Variants in MRTO4 observed in about 807,000 individuals in gnomAD.
The protein encoded by MRTO4 is MRT4 homolog, ribosome maturation factor, also known as mRNA turnover protein 4 homolog.
A neutral mutation model predicts 28.6 loss-of-function variants in MRTO4; 7 were observed. The observed-to-expected ratio is 0.24, with a 90% CI of 0.14 to 0.46. The LOEUF (loss-of-function observed/expected upper bound fraction) is 0.46. Ranked by LOEUF, MRTO4 falls within the 20% of genes least tolerant of loss-of-function variation. The pLI, the probability that MRTO4 is intolerant of heterozygous loss-of-function variation, is 0.99. For synonymous variants in MRTO4, 113 were observed against 108.2 expected (o/e 1.04, Z -0.27); for missense variants, 302 against 298.3 (o/e 1.01, Z -0.09).
In MRTO4 at chr1:19,259,810, G is replaced by C. The variant is rs1174771411; in HGVS notation, c.*980G>C. 2 of 152,272 alleles carry C rather than the reference G, an allele frequency of 1.3e-5. No homozygotes were observed. Among genetic ancestry groups the C allele is most frequent in the Admixed American group, 1.3e-4 (2 of 15,284 alleles). 9.4% of individuals were successfully genotyped at this position (152,272 alleles called of 1,614,324 possible). ...TGGGCTGAGAGTGACATCACTGCAA[G>C]AGTTGAGAGCCAGCGTCTAAAGTGT... On this transcript the variant is annotated 3_prime_UTR_variant, in exon 8 of 8. Coordinates refer to ENST00000330263, the MANE Select transcript of MRTO4 (RefSeq NM_016183.4).
In MRTO4 at chr1:19,254,819, G is replaced by A; in HGVS notation, c.66G>A (p.Leu22=). The change falls in exon 2 of 8, where the codon TTG becomes TTA. Residue 22 remains leucine (L), a synonymous_variant. Coordinates refer to ENST00000330263, the MANE Select transcript of MRTO4 (RefSeq NM_016183.4). ...AAACTGCCAAGAAAGGCTTGGAATT[G>A]AAACAAAACCTGATAGAAGAGGTAA... ...LTKTAKKGLE[L]KQNLIEELRK... 6.2e-7 allele frequency: 1 copy of A among 1,608,978 alleles called. No homozygotes were observed. The highest frequency in any genetic ancestry group is 8.5e-7 in the Non-Finnish European group (1 of 1,178,662).
chr1:19,256,550 G>C (rs1313107371), intron 3 of MRTO4, among the ~76,000 whole-genome samples: 1 of 152,208 alleles, frequency 6.6e-6, no homozygotes, highest in Non-Finnish European at 1.5e-5. Context: ...CCTAGGGGCA[G>C]GACTTGGCAG....
rs142929330 is a variant in MRTO4, at chr1:19,257,381, G to A, written c.274-73G>A. 11,218 of 1,551,050 alleles carry A rather than the reference G, an allele frequency of 7.2e-3. 168 individuals carry two copies. The highest frequency in any genetic ancestry group is 0.04 in the South Asian group (3,629 of 89,772). ...TCTTTAAATGTTGCCAAATGTACCC[G>A]GTGAGCAAAAACGTGCCTAGTAGAG... On this transcript the variant is annotated intron_variant, in intron 4 of 7. Coordinates refer to ENST00000330263, the MANE Select transcript of MRTO4 (RefSeq NM_016183.4).
rs1380128120 is a variant in MRTO4 at position 19,257,140 on chromosome 1, C to T, written c.268C>T (p.His90Tyr). Reference sequence around the variant, plus strand: ...ATCTGATGAATACAAAGACAACCTGCACCAGGTAAGTCTCTGGCCCTCACG... The same window carrying T: ...ATCTGATGAATACAAAGACAACCTGTACCAGGTAAGTCTCTGGCCCTCACG... The part of the protein sequence containing the change: ...SPSDEYKDNL[H>Y]QVSKRLRGEV... Residue 90 changes from histidine (H) to tyrosine (Y), a missense_variant, in exon 4 of 8, where the codon CAC becomes TAC. Coordinates refer to ENST00000330263, the MANE Select transcript of MRTO4 (RefSeq NM_016183.4). 1.2e-6 allele frequency: 2 copies of T among 1,614,090 alleles called. No homozygotes were observed. The highest frequency in any genetic ancestry group is 2.2e-5 in the East Asian group (1 of 44,862).
At chr1:19,252,031 C>A in intron 1 of MRTO4, 168 bp downstream of exon 1, 1 of 995,730 alleles carries the variant, frequency 1.0e-6, no homozygotes, top group South Asian at 1.7e-5. Flanking sequence ...GCTGTAAAAC[C>A]GCCAGAGGTG....
At chr1:19,255,839 G>A (rs138980816) in intron 2 of MRTO4, 109 bp from the exon 3 acceptor site, 4 of 890,880 alleles carry the variant, frequency 4.5e-6, no homozygotes, top group Non-Finnish European at 7.0e-6. Context: ...AGTTCTTCCA[G>A]TTTCCATAGT....
chr1:19,252,173 C>T, intron 1 of MRTO4: 1 of 433,708 alleles, frequency 2.3e-6, no homozygotes, highest in Non-Finnish European at 4.1e-6. Context: ...TTTCGGCCCA[C>T]TTTTCCCAAC....
chr1:19,255,083 T>G (rs1316259928), intron 2 of MRTO4, among the ~76,000 whole-genome samples: 1 of 152,182 alleles, frequency 6.6e-6, no homozygotes, highest in Non-Finnish European at 1.5e-5. Context: ...GTGTTTCTTA[T>G]GCGTTGTTCC....
intron 1 of MRTO4, chr1:19,252,114 G>A (rs941088043): frequency 1.2e-4 from 64 of 550,856 alleles, no homozygotes; most frequent in Middle Eastern, 9.9e-4. Flanking sequence ...AAGGCCAACT[G>A]GGTCGGGAGG....
intron 1 of MRTO4, 151 bp downstream of exon 1, chr1:19,252,014 C>T (rs2093661785): frequency 1.7e-6 from 2 of 1,169,942 alleles, no homozygotes; most frequent in Non-Finnish European, 2.4e-6. Flanking sequence ...GGAATGGGGG[C>T]TTCGGGGCTG....
At position 19,257,065 on chromosome 1, in the gene MRTO4, A is replaced by G; in HGVS notation, c.193A>G (p.Met65Val). Residue 65 changes from methionine to valine, a missense_variant and splice_region_variant, in exon 4 of 8, where the codon ATG becomes GTG. Physicochemically the swap from Met to Val is conservative, Grantham distance 21. Coordinates refer to ENST00000330263, the MANE Select transcript of MRTO4 (RefSeq NM_016183.4). ...DIRNAWKHSR[M>V]FFGKNKVMMV... is the part of the protein sequence containing the mutation. ...AATGCTCTTTCTCTTGCTTGGTAGG[A>G]TGTTCTTTGGCAAAAACAAGGTGAT... 1 of 1,613,818 alleles carries G rather than the reference A, an allele frequency of 6.2e-7. No homozygotes were observed. The highest frequency in any genetic ancestry group is 8.5e-7 in the Non-Finnish European group (1 of 1,179,864).
At chr1:19,254,703 GC>G (rs1423922761) in intron 1 of MRTO4, 78 bp from the exon 2 acceptor site, 7 of 1,218,296 alleles carry the variant, frequency 5.7e-6, no homozygotes, top group Non-Finnish European at 8.5e-6. Context: ...AGTGCTCTCT[GC>G]CAAAGGGGAG....
intron 3 of MRTO4, 96 bp from the exon 4 acceptor site, chr1:19,256,968 T>G: frequency 1.6e-6 from 2 of 1,224,482 alleles, no homozygotes; most frequent in Non-Finnish European, 2.4e-6. Context: ...AGCCTGGGCC[T>G]GAGCTCACTG....
Position 19,258,923 on chromosome 1 carries a change from TTTG to T in MRTO4, c.*95_*97del. 7.1e-7 allele frequency: 1 copy of T among 1,411,324 alleles called. No homozygotes were observed. Among genetic ancestry groups the T allele is most frequent in the Non-Finnish European group, 9.5e-7 (1 of 1,056,784 alleles). 87.4% of individuals were successfully genotyped at this position (1,411,324 alleles called of 1,614,324 possible). On this transcript the variant is annotated 3_prime_UTR_variant, in exon 8 of 8. Transcript: ENST00000330263. Reference sequence around the variant, plus strand: ...CCCCTCTGGAGAGAGCAGCTTTTTATTTGTCTGTAGACAGGGAACATGATGGGC... The same window carrying T: ...CCCCTCTGGAGAGAGCAGCTTTTTATTCTGTAGACAGGGAACATGATGGGC...
chr1:19,256,802 A>G (rs2093672108), intron 3 of MRTO4, among the ~76,000 whole-genome samples: 1 of 152,192 alleles, frequency 6.6e-6, no homozygotes, highest in South Asian at 2.1e-4. Context: ...TGCCTCCCGC[A>G]TACATCCAGA....
At position 19,258,951 on chromosome 1, in the gene MRTO4, C is replaced by A; in HGVS notation, c.*121C>A. The stretch of plus-strand genomic sequence containing the variant: ...GTCTGTAGACAGGGAACATGATGGG[C>A]ACTGACCTCCTGTAAAGAATAAAAC... On this transcript the variant is annotated 3_prime_UTR_variant, in exon 8 of 8. Coordinates refer to ENST00000330263, the MANE Select transcript of MRTO4 (RefSeq NM_016183.4). The A allele has an allele frequency of 1.7e-6, 2 of 1,194,036 alleles. No individual in the cohort carries two copies. Among genetic ancestry groups the A allele is most frequent in the Non-Finnish European group, 2.3e-6 (2 of 875,166 alleles). The allele number at this position is 1,194,036 out of a possible 1,614,324, so 74.0% of individuals were successfully genotyped here. A position where few individuals can be genotyped will look rare whatever the true frequency, so the allele number is the denominator to read the frequency against.
At chr1:19,252,345 A>G in intron 1 of MRTO4, 1 of 177,958 alleles carries the variant, frequency 5.6e-6, no homozygotes, top group Non-Finnish European at 1.2e-5. Flanking sequence ...GTCAGTTAAT[A>G]GGATCCCTCT....
At chr1:19,254,942 A>T in intron 2 of MRTO4, 102 bp downstream of exon 2, 2 of 988,760 alleles carry the variant, frequency 2.0e-6, no homozygotes, top group Non-Finnish European at 2.9e-6. Flanking sequence ...GGAACATACT[A>T]GTGGGGAAAA....
In MRTO4 at chr1:19,252,026, AAAAC is replaced by A. The variant is rs1001047817; in HGVS notation, c.28+164_28+167del. On this transcript the variant is annotated intron_variant, in intron 1 of 7. Transcript: ENST00000330263. ...GCTGGAATGGGGGCTTCGGGGCTGTAAAACCGCCAGAGGTGGCTGACGCCCGGTC... is the reference window on the plus strand; with the variant it reads ...GCTGGAATGGGGGCTTCGGGGCTGTACGCCAGAGGTGGCTGACGCCCGGTC... The A allele has an allele frequency of 1.5e-5, 16 of 1,053,804 alleles. No individual in the cohort carries two copies. In the Admixed American group the frequency reaches 4.1e-4, roughly 27 times the overall value. The allele number at this position is 1,053,804 out of a possible 1,614,324, so 65.3% of individuals were successfully genotyped here.
Sources: gnomAD v4.1 joint callset for allele counts (sites outside exome capture counted in the v4.1 genomes callset) on GRCh38, gnomAD v4.1.1 for gene constraint, MANE v1.5 for transcripts, NCBI Gene and HGNC (gene_info 2026-07-23, HGNC 2026-07-21) for gene names.